Variants in ROS1 observed in about 807,000 individuals in gnomAD.
ROS1 encodes the protein ROS proto-oncogene 1, receptor tyrosine kinase.
ROS1 carries 263 observed loss-of-function variants against 273.5 expected under a neutral mutation model. The ratio of observed to expected loss-of-function variants is 0.96; its 90% confidence interval spans 0.87 to 1.06. ROS1 has a LOEUF of 1.06. ROS1 is among the 50% of genes least tolerant of loss of function. The pLI, the probability that ROS1 is intolerant of heterozygous loss-of-function variation, is 0.00. For missense variants in ROS1, 2,833 were observed against 2,751.1 expected (o/e 1.03, Z -0.67); for synonymous variants, 1,008 against 954.1 (o/e 1.06, Z -1.04).
At chr6:117,385,995 G>T in intron 15 of ROS1, 134 bp from the exon 16 acceptor site, 1 of 692,644 alleles carries the variant, frequency 1.4e-6, no homozygotes, top group Admixed American at 2.7e-5. Flanking sequence ...AACTTGATCT[G>T]TCAAGAATAT....
chr6:117,300,067 C>T (rs1440989884), intron 43 of ROS1, among the ~76,000 whole-genome samples: 2 of 144,792 alleles, frequency 1.4e-5, no homozygotes, highest in African/African-American at 2.5e-5. Context: ...GAACTACAGG[C>T]GCCCGCCACC....
intron 12 of ROS1, 59 bp downstream of exon 12, chr6:117,393,165 T>C: frequency 2.0e-6 from 2 of 998,780 alleles, no homozygotes; most frequent in East Asian, 2.4e-5. Context: ...CAAGCAAGTT[T>C]CTCAAAGATT....
chr6:117,385,969 GAC>G (rs1353328051), intron 15 of ROS1, 108 bp from the exon 16 acceptor site: 1 of 807,008 alleles, frequency 1.2e-6, no homozygotes, highest in African/African-American at 1.7e-5. Context: ...ACAACACACT[GAC>G]ACATATTCAC....
chr6:117,379,676 C>G (rs1185768025), intron 17 of ROS1, among the ~76,000 whole-genome samples: 2 of 152,090 alleles, frequency 1.3e-5, no homozygotes, highest in African/African-American at 4.8e-5. Flanking sequence ...AATTCCCAGG[C>G]TGCACTCTAT....
rs1255974521 is a variant in ROS1, at chr6:117,360,037, A to C, written c.3431-26T>G. ...CTGAAAGCAAAAAAACATGTAGATA[A>C]TATGCATGAGAAAACTGACTTTAGC... On this transcript the variant is annotated intron_variant, in intron 23 of 43. Coordinates refer to ENST00000368507, the MANE Select transcript of ROS1 (RefSeq NM_001378902.1). The C allele has an allele frequency of 2.5e-6, 4 of 1,579,004 alleles. No individual in the cohort carries two copies. The South Asian group carries it at 4.5e-5, about 18-fold the overall frequency.
At chr6:117,373,006 C>A (rs1284586786) in intron 18 of ROS1, among the ~76,000 whole-genome samples, 2 of 152,188 alleles carry the variant, frequency 1.3e-5, no homozygotes, top group African/African-American at 4.8e-5. Flanking sequence ...GTTTACAATA[C>A]CTGAGCTAAA....
intron 12 of ROS1, 23 bp from the exon 13 acceptor site, chr6:117,389,869 C>T (rs770408950): frequency 4.2e-5 from 66 of 1,586,062 alleles, no homozygotes; most frequent in Admixed American, 2.8e-4. Flanking sequence ...CAAAAGAAAC[C>T]TCATGAGATT....
At chr6:117,309,797 A>C (rs1478197044) in intron 41 of ROS1, among the ~76,000 whole-genome samples, 1 of 152,128 alleles carries the variant, frequency 6.6e-6, no homozygotes, top group Non-Finnish European at 1.5e-5. Flanking sequence ...CTAAGTACCA[A>C]TTCCTATTAG....
intron 7 of ROS1, 74 bp from the exon 8 acceptor site, chr6:117,397,190 A>G (rs2128717152): frequency 1.9e-6 from 2 of 1,047,720 alleles, no homozygotes; most frequent in South Asian, 2.9e-5. Context: ...GATGGAAAAA[A>G]GTCTTGTTTT....
chr6:117,320,113 T>A, intron 36 of ROS1, 83 bp from the exon 37 acceptor site: 2 of 1,226,776 alleles, frequency 1.6e-6, no homozygotes. Context: ...TATTTGTGTT[T>A]GAGAGAGAAA....
chr6:117,300,461 T>C (rs1774630850), intron 43 of ROS1, among the ~76,000 whole-genome samples: 1 of 151,886 alleles, frequency 6.6e-6, no homozygotes, highest in African/African-American at 2.4e-5. Flanking sequence ...AAATACACAT[T>C]TTGCAGGAAA....
intron 7 of ROS1, among the ~76,000 whole-genome samples, chr6:117,401,816 A>AC (rs927964765): frequency 6.6e-6 from 1 of 151,374 alleles, no homozygotes; most frequent in East Asian, 1.9e-4. Flanking sequence ...AAAAAAAAAA[A>AC]AAAAAAAACA....
At chr6:117,387,403 G>A (rs758299453) in intron 14 of ROS1, among the ~76,000 whole-genome samples, 61 of 152,222 alleles carry the variant, frequency 4.0e-4, no homozygotes, top group Admixed American at 1.2e-3. Context: ...TCAGCCAAGA[G>A]GATGGAATTC....
chr6:117,341,769 C>G (rs944984414), intron 29 of ROS1, 137 bp from the exon 30 acceptor site: 1 of 667,148 alleles, frequency 1.5e-6, no homozygotes, highest in East Asian at 2.7e-5. Context: ...GAAAGTCAGC[C>G]TCTTCTATAA....
chr6:117,329,495 C>A (rs764082038), intron 32 of ROS1, 49 bp from the exon 33 acceptor site: 3 of 855,426 alleles, frequency 3.5e-6, no homozygotes, highest in Non-Finnish European at 5.9e-6. Flanking sequence ...AAGTATTAAT[C>A]TTCTGCACTG....
At chr6:117,334,008 G>A (rs1343388074) in intron 32 of ROS1, among the ~76,000 whole-genome samples, 4 of 152,134 alleles carry the variant, frequency 2.6e-5, no homozygotes. Context: ...AATCAGGCAA[G>A]AGGAAGAAAT....
At chr6:117,354,501 T>TAA (rs1401875778) in intron 26 of ROS1, among the ~76,000 whole-genome samples, 2 of 152,198 alleles carry the variant, frequency 1.3e-5, no homozygotes, top group Non-Finnish European at 2.9e-5. Flanking sequence ...GAAGACAGGC[T>TAA]AAATATAAGA....
At chr6:117,378,296 A>G (rs1245160184) in intron 18 of ROS1, among the ~76,000 whole-genome samples, 2 of 152,234 alleles carry the variant, frequency 1.3e-5, no homozygotes, top group African/African-American at 4.8e-5. Flanking sequence ...ATACACAGAC[A>G]GTGGTATCTT....
chr6:117,363,000 C>G (rs1779931178), intron 21 of ROS1, 135 bp from the exon 22 acceptor site: 1 of 781,220 alleles, frequency 1.3e-6, no homozygotes, highest in African/African-American at 1.8e-5. Context: ...ATATTTATTA[C>G]ATTCTTAAAG....
Sources: allele counts gnomAD v4.1 joint callset (sites outside exome capture counted in the v4.1 genomes callset), GRCh38; gene constraint gnomAD v4.1.1; transcripts MANE v1.5; gene names NCBI Gene and HGNC (gene_info 2026-07-23, HGNC 2026-07-21).